KIF7: variants seen among roughly 807,000 people sequenced by gnomAD.
KIF7 encodes kinesin family member 7.
In KIF7, 104 loss-of-function variants were observed where a neutral mutation model predicts 135.7. The ratio of observed to expected loss-of-function variants is 0.77; its 90% CI spans 0.65 to 0.90. The LOEUF is 0.90. Among genes scored for constraint, KIF7 ranks in the 40% least tolerant of loss-of-function variants. KIF7 has a pLI of 0.00. For synonymous variants in KIF7, 883 were observed against 809.4 expected (o/e 1.09, Z -1.54); for missense variants, 2,005 against 1,839.1 (o/e 1.09, Z -1.65).
chr15:89,660,133 G>A (rs1351810211), upstream of KIF7, among the ~76,000 whole-genome samples: 4 of 152,194 alleles, frequency 2.6e-5, no homozygotes, highest in Non-Finnish European at 5.9e-5. Context: ...GGGAGGTGGG[G>A]GTTGAAGTGA....
chr15:89,631,745 C>G (rs970272528), intron 14 of KIF7, 35 bp from the exon 15 acceptor site: 1 of 1,523,722 alleles, frequency 6.6e-7, no homozygotes, highest in Non-Finnish European at 8.9e-7. Flanking sequence ...AGAGAAGGAA[C>G]AGGCACTGTC....
chr15:89,634,765 T>A (rs1239256578), intron 11 of KIF7, among the ~76,000 whole-genome samples: 3 of 152,160 alleles, frequency 2.0e-5, no homozygotes, highest in Non-Finnish European at 2.9e-5. Flanking sequence ...TGCCCACCAT[T>A]GCCCAGGCTT....
At chr15:89,623,668 ACAC>A, downstream of KIF7, 1 of 1,611,862 alleles carries the variant, frequency 6.2e-7, no homozygotes, top group Non-Finnish European at 8.5e-7. Context: ...TTCTAAAACT[ACAC>A]CAAGAAGGAT....
rs780139363 is a variant in KIF7, at chr15:89,628,762, G to A, written c.3689C>T (p.Ser1230Leu). 8.7e-6 allele frequency: 14 copies of A among 1,612,166 alleles called. No individual in the cohort carries two copies. The East Asian group carries it at 1.8e-4, about 21-fold the overall frequency. Residue 1230 changes from serine to leucine, a missense_variant, in exon 19 of 19, where the codon TCG becomes TTG. Physicochemically the swap from Ser to Leu is moderately radical, Grantham distance 145 (BLOSUM62 -2). Coordinates refer to ENST00000394412, the MANE Select transcript of KIF7 (RefSeq NM_198525.3). ...SRGGEKRSLCSEGRQAPGNED... is the reference protein window; with the variant it reads ...SRGGEKRSLCLEGRQAPGNED... The stretch of plus-strand genomic sequence containing the variant: ...ATTTCCAGGAGCCTGTCTGCCCTCC[G>A]AGCACAGGCTCCTCTTCTCCCCACC...
chr15:89,630,146 G>C, intron 16 of KIF7, 141 bp downstream of exon 16: 2 of 753,470 alleles, frequency 2.7e-6, no homozygotes, highest in Non-Finnish European at 4.4e-6. Context: ...TTTAAGGTCA[G>C]GCGGCCCTGC....
At chr15:89,659,492 GGAAGGAAA>G (rs1246015807), upstream of KIF7, among the ~76,000 whole-genome samples, 1 of 150,382 alleles carries the variant, frequency 6.6e-6, no homozygotes, top group African/African-American at 2.5e-5. Flanking sequence ...GAGAAAGAAA[GGAAGGAAA>G]GAAGGAAGGA....
At chr15:89,617,448 A>C (rs1963353071) in intron 2 of KIF7, among the ~76,000 whole-genome samples, 1 of 152,208 alleles carries the variant, frequency 6.6e-6, no homozygotes, top group African/African-American at 2.4e-5. Context: ...TTTTTAATAT[A>C]TTAATGGGGT....
downstream of KIF7, chr15:89,625,800 T>C: frequency 6.3e-7 from 1 of 1,586,126 alleles, no homozygotes; most frequent in South Asian, 1.1e-5. Context: ...AGTTCGTTTT[T>C]GAAACCCAGT....
chr15:89,619,851 C>T (rs778782698), intron 1 of KIF7: 6 of 1,601,864 alleles, frequency 3.7e-6, no homozygotes, highest in Admixed American at 1.8e-5. Context: ...AGGTAACATA[C>T]GGGCCCCTCT....
chr15:89,630,603 C>T (rs1963653266), intron 15 of KIF7, 110 bp from the exon 16 acceptor site: 6 of 938,476 alleles, frequency 6.4e-6, no homozygotes, highest in Non-Finnish European at 1.0e-5. Flanking sequence ...TAAGGGTCCC[C>T]TCGTCCCAAG....
chr15:89,635,722 G>A (rs937614710), intron 11 of KIF7, among the ~76,000 whole-genome samples: 2 of 152,166 alleles, frequency 1.3e-5, no homozygotes, highest in Admixed American at 6.5e-5. Context: ...GAAAGTGACG[G>A]GGAGAATGGA....
intron 11 of KIF7, 47 bp from the exon 12 acceptor site, chr15:89,633,930 A>C: frequency 6.3e-7 from 1 of 1,598,642 alleles, no homozygotes; most frequent in Non-Finnish European, 8.6e-7. Context: ...GGCTACCGCG[A>C]GCCTGCCATA....
chr15:89,645,050 G>T lies in KIF7; in HGVS notation c.2154C>A (p.Arg718=). 2 of 1,607,514 alleles carry T rather than the reference G, an allele frequency of 1.2e-6. 1 individual carries two copies. Among genetic ancestry groups the T allele is most frequent in the South Asian group, 2.2e-5 (2 of 91,088 alleles). Residue 718 remains arginine, a synonymous_variant, in exon 10 of 19, where the codon CGC becomes CGA. Transcript: ENST00000394412. ...GCTCGCCAATAAGCTCCTCCTTCAT[G>T]CGGATGTTGATAGCCAGCTCCCGGA... ...QKIRELAINI[R]MKEELIGELV... is the part of the protein sequence containing the mutation.
At chr15:89,627,107 A>T (rs779939978), downstream of KIF7, 15 of 1,613,450 alleles carry the variant, frequency 9.3e-6, no homozygotes, top group South Asian at 1.6e-4. Context: ...TACTGAGCCC[A>T]AAAGATCAAG....
At chr15:89,633,595 G>T in intron 12 of KIF7, 91 bp downstream of exon 12, 1 of 1,391,856 alleles carries the variant, frequency 7.2e-7, no homozygotes, top group Non-Finnish European at 9.9e-7. Context: ...CGTGGCTGTG[G>T]GTTGCAAACC....
At chr15:89,622,619 T>C (rs1287903759) in intron 1 of KIF7, among the ~76,000 whole-genome samples, 2 of 93,292 alleles carry the variant, frequency 2.1e-5, no homozygotes, top group Non-Finnish European at 4.8e-5. Context: ...CTGAAAACCA[T>C]AGATCTACAC....
intron 1 of KIF7, among the ~76,000 whole-genome samples, chr15:89,654,322 A>C (rs1250965103): frequency 5.5e-5 from 1 of 18,218 alleles, no homozygotes; most frequent in Non-Finnish European, 1.1e-4. Context: ...GATTCAAAAT[A>C]TTAAGGGGAA....
intron 10 of KIF7, among the ~76,000 whole-genome samples, chr15:89,644,306 C>T (rs1322608314): frequency 6.6e-6 from 1 of 152,202 alleles, no homozygotes; most frequent in Non-Finnish European, 1.5e-5. Flanking sequence ...TCCTCCATGA[C>T]ACTCACTGTG....
At chr15:89,648,165 G>A in intron 5 of KIF7, 90 bp downstream of exon 5, 1 of 1,357,248 alleles carries the variant, frequency 7.4e-7, no homozygotes, top group Non-Finnish European at 9.5e-7. Context: ...GCAGGAGGCA[G>A]GGGCGCAGCT....
Sources: allele counts gnomAD v4.1 joint callset (sites outside exome capture counted in the v4.1 genomes callset), GRCh38; gene constraint gnomAD v4.1.1; transcripts MANE v1.5; gene names NCBI Gene and HGNC (gene_info 2026-07-23, HGNC 2026-07-21).